Variants in SLC10A7 observed in about 807,000 individuals in gnomAD.
The protein encoded by SLC10A7 is sodium/bile acid cotransporter 7.
A neutral mutation model predicts 43.2 loss-of-function variants in SLC10A7; 29 were observed. The observed-to-expected ratio is 0.67, with a 90% CI of 0.50 to 0.92. The LOEUF (loss-of-function observed/expected upper bound fraction) is 0.92. Ranked by LOEUF, SLC10A7 falls within the 40% of genes least tolerant of loss-of-function variation. SLC10A7 has a pLI of 0.00. For missense variants in SLC10A7, 295 were observed against 403.2 expected (o/e 0.73, Z 2.30); for synonymous variants, 152 against 144.8 (o/e 1.05, Z -0.35).
rs568933236 is a variant in SLC10A7, at chr4:146,278,446, C to T, written c.847+4746G>A. On this transcript the variant is annotated intron_variant, in intron 10 of 11. Coordinates refer to ENST00000335472, the MANE Select transcript of SLC10A7 (RefSeq NM_001029998.6). ...AATGTTATTAAATGAGATTTTTAGCCGAAGTTGTAGGTAATTCTTTAACAT... is the reference window on the plus strand; with the variant it reads ...AATGTTATTAAATGAGATTTTTAGCTGAAGTTGTAGGTAATTCTTTAACAT... Among the ~76,000 whole-genome samples the T allele has an allele frequency of 1.6e-4, 25 of 152,012 alleles. 1 individual carries two copies. The highest frequency in any genetic ancestry group is 3.4e-3 in the Middle Eastern group (1 of 294).
At chr4:146,335,161 T>G (rs1486498281) in intron 5 of SLC10A7, among the ~76,000 whole-genome samples, 1 of 151,606 alleles carries the variant, frequency 6.6e-6, no homozygotes, top group Non-Finnish European at 1.5e-5. Context: ...TGTTTTGTTT[T>G]GTTTTTGCCA....
chr4:146,399,390 A>T (rs1174348735), intron 5 of SLC10A7, among the ~76,000 whole-genome samples: 2 of 152,184 alleles, frequency 1.3e-5, no homozygotes, highest in Non-Finnish European at 1.5e-5. Flanking sequence ...ACACCAAGAA[A>T]GAGTTGGGAG....
intron 5 of SLC10A7, among the ~76,000 whole-genome samples, chr4:146,367,115 A>C (rs1364133134): frequency 6.6e-6 from 1 of 152,124 alleles, no homozygotes; most frequent in Non-Finnish European, 1.5e-5. Context: ...GAGCTGTTAG[A>C]TATCATAACA....
intron 10 of SLC10A7, among the ~76,000 whole-genome samples, chr4:146,272,145 C>T (rs1167181099): frequency 6.6e-6 from 1 of 152,166 alleles, no homozygotes; most frequent in Non-Finnish European, 1.5e-5. Context: ...TAAACACTTG[C>T]TGAATGAATG....
intron 5 of SLC10A7, among the ~76,000 whole-genome samples, chr4:146,409,369 A>G (rs1727971978): frequency 6.6e-6 from 1 of 151,794 alleles, no homozygotes; most frequent in Non-Finnish European, 1.5e-5. Context: ...AAACTCAAAA[A>G]AGTACATATT....
At chr4:146,331,004 A>G (rs1733492882) in intron 5 of SLC10A7, among the ~76,000 whole-genome samples, 1 of 152,154 alleles carries the variant, frequency 6.6e-6, no homozygotes, top group Non-Finnish European at 1.5e-5. Flanking sequence ...GTGTAAATAA[A>G]ATCTATGCCT....
chr4:146,363,976 T>C (rs1398643194), intron 5 of SLC10A7, among the ~76,000 whole-genome samples: 1 of 151,054 alleles, frequency 6.6e-6, no homozygotes, highest in African/African-American at 2.4e-5. Context: ...AACACAAAAT[T>C]AATAGAGGAA....
At chr4:146,442,144 G>A in intron 5 of SLC10A7, 1 of 968,552 alleles carries the variant, frequency 1.0e-6, no homozygotes, top group East Asian at 1.1e-4. Flanking sequence ...TCAAGCCTCT[G>A]TTACATCATT....
At chr4:146,337,047 GA>G (rs1733939131) in intron 5 of SLC10A7, among the ~76,000 whole-genome samples, 1 of 151,814 alleles carries the variant, frequency 6.6e-6, no homozygotes, top group African/African-American at 2.4e-5. Flanking sequence ...AAAACAATTT[GA>G]AATTTAATTA....
chr4:146,284,595 T>C (rs534954340), intron 9 of SLC10A7, among the ~76,000 whole-genome samples: 2 of 152,192 alleles, frequency 1.3e-5, no homozygotes, highest in Non-Finnish European at 2.9e-5. Context: ...CTAAGCTGTT[T>C]CTTGGTAACT....
rs1479785497 is a variant in SLC10A7 at position 146,255,874 on chromosome 4, T to A, written c.*617A>T. On this transcript the variant is annotated 3_prime_UTR_variant, in exon 12 of 12. Transcript: ENST00000335472. Reference sequence around the variant, plus strand: ...ACCCTTTCTTTGAAGCAGCTTATAATAAATTTAAGACATATAACCACAATC... The same window carrying A: ...ACCCTTTCTTTGAAGCAGCTTATAAAAAATTTAAGACATATAACCACAATC... 6.6e-6 allele frequency: 1 copy of A among 152,236 alleles called. No individual in the cohort carries two copies. Among genetic ancestry groups the A allele is most frequent in the African/African-American group, 2.4e-5 (1 of 41,464 alleles). 9.4% of individuals were successfully genotyped at this position (152,236 alleles called of 1,614,324 possible).
chr4:146,457,967 C>T (rs576337168), intron 4 of SLC10A7, among the ~76,000 whole-genome samples: 31 of 151,674 alleles, frequency 2.0e-4, no homozygotes, highest in African/African-American at 7.2e-4. Context: ...AAAGAAAATT[C>T]GCCAAATCAT....
intron 5 of SLC10A7, among the ~76,000 whole-genome samples, chr4:146,377,225 C>G (rs953507566): frequency 6.6e-6 from 1 of 152,112 alleles, no homozygotes; most frequent in African/African-American, 2.4e-5. Context: ...GGAACCTTTA[C>G]TTTACTTTTT....
intron 4 of SLC10A7, among the ~76,000 whole-genome samples, chr4:146,488,101 G>A (rs1030264757): frequency 6.6e-6 from 1 of 151,986 alleles, no homozygotes; most frequent in East Asian, 1.9e-4. Flanking sequence ...TGAGGCAGGA[G>A]GATTGCTTGA....
intron 11 of SLC10A7, 124 bp downstream of exon 11, chr4:146,258,568 G>C: frequency 1.1e-6 from 1 of 873,642 alleles, no homozygotes; most frequent in African/African-American, 1.7e-5. Flanking sequence ...TTGTATTTAA[G>C]TAAGAAAATA....
intron 5 of SLC10A7, among the ~76,000 whole-genome samples, chr4:146,382,906 T>C (rs1021514315): frequency 4.6e-5 from 7 of 151,776 alleles, no homozygotes; most frequent in African/African-American, 1.7e-4. Flanking sequence ...GATAGAATTA[T>C]ATCAGTATTG....
chr4:146,430,027 C>T (rs897048034), intron 5 of SLC10A7, among the ~76,000 whole-genome samples: 2 of 144,766 alleles, frequency 1.4e-5, no homozygotes, highest in East Asian at 3.9e-4. Context: ...AATGTAAAAA[C>T]AAAAATTAAA....
intron 5 of SLC10A7, among the ~76,000 whole-genome samples, chr4:146,334,586 C>A (rs1733751435): frequency 6.6e-6 from 1 of 151,952 alleles, no homozygotes; most frequent in Non-Finnish European, 1.5e-5. Context: ...CTTGAGGATT[C>A]TTAAAATTCA....
intron 4 of SLC10A7, among the ~76,000 whole-genome samples, chr4:146,476,232 A>G (rs1370685018): frequency 6.6e-6 from 1 of 152,196 alleles, no homozygotes; most frequent in African/African-American, 2.4e-5. Flanking sequence ...TAAATTTGAT[A>G]ATACCTATTT....
Sources: allele counts gnomAD v4.1 joint callset (sites outside exome capture counted in the v4.1 genomes callset), GRCh38; gene constraint gnomAD v4.1.1; transcripts MANE v1.5; gene names NCBI Gene and HGNC (gene_info 2026-07-23, HGNC 2026-07-21).